The following MEGF8 variants were observed in gnomAD, a reference collection of about 807,000 sequenced individuals.
The protein encoded by MEGF8 is multiple EGF like domains 8.
A neutral mutation model predicts 302.9 loss-of-function variants in MEGF8; 156 were observed. The ratio of observed to expected loss-of-function variants is 0.52; its 90% CI spans 0.45 to 0.59. The LOEUF is 0.59. MEGF8 is among the 20% of genes least tolerant of loss of function. The pLI is 0.00. For missense variants in MEGF8, 3,345 were observed against 3,964.5 expected (o/e 0.84, Z 4.20); for synonymous variants, 1,621 against 1,660.5 (o/e 0.98, Z 0.58).
At position 42,375,492 on chromosome 19, in the gene MEGF8, T is replaced by C. The variant is rs375013795; in HGVS notation, c.7270-15T>C. Reference sequence around the variant, plus strand: ...ACTCAGCCCTGATGGTCACCGCCTCTAACCCTGCCCGCAGTGCGCCAAGTG... The same window carrying C: ...ACTCAGCCCTGATGGTCACCGCCTCCAACCCTGCCCGCAGTGCGCCAAGTG... On this transcript the variant is annotated splice_polypyrimidine_tract_variant and intron_variant, in intron 41 of 41. Coordinates refer to ENST00000251268, the MANE Select transcript of MEGF8 (RefSeq NM_001271938.2). This position sits in a 1 kb window ranked among gnomAD's most constrained non-coding sequence, Gnocchi z 7.1. 19 of 1,561,238 alleles carry C rather than the reference T, an allele frequency of 1.2e-5. No homozygotes were observed. The African/African-American group carries it at 2.6e-4, about 21-fold the overall frequency.
intron 41 of MEGF8, among the ~76,000 whole-genome samples, chr19:42,374,635 T>C (rs2039740695): frequency 6.6e-6 from 1 of 152,156 alleles, no homozygotes; most frequent in Admixed American, 6.6e-5. Flanking sequence ...CACACAGTCA[T>C]TGAGCACCTA....
intron 35 of MEGF8, among the ~76,000 whole-genome samples, chr19:42,366,067 G>C (rs575411046): frequency 6.6e-6 from 1 of 152,228 alleles, no homozygotes; most frequent in East Asian, 1.9e-4. Flanking sequence ...GGGTGACAGA[G>C]TGAGACTCCG....
Position 42,357,162 on chromosome 19 carries a change from C to T in MEGF8, c.4830+181C>T, listed in dbSNP as rs1485769437. ...TCCTGGGCTGGGACACAGCTTCACT[C>T]AGCAGCAGAGAGAGGCCAGGGGAGC... On this transcript the variant is annotated intron_variant, in intron 27 of 41. Transcript: ENST00000251268. The surrounding 1 kb of genome is among the most constrained non-coding windows in gnomAD (Gnocchi z 5.2). Among the ~76,000 whole-genome samples, 2 of 152,232 alleles carry T rather than the reference C, an allele frequency of 1.3e-5. No individual in the cohort carries two copies. The highest frequency in any genetic ancestry group is 6.5e-5 in the Admixed American group (1 of 15,286).
chr19:42,340,760 C>T (rs568825074), intron 8 of MEGF8, among the ~76,000 whole-genome samples: 2 of 151,966 alleles, frequency 1.3e-5, no homozygotes, highest in Non-Finnish European at 2.9e-5. Context: ...CTCCACCTCC[C>T]GTGTTCAAGC....
intron 12 of MEGF8, among the ~76,000 whole-genome samples, chr19:42,347,494 T>G (rs1295793343): frequency 6.6e-6 from 1 of 151,876 alleles, no homozygotes; most frequent in East Asian, 1.9e-4. Context: ...TTTTTTGTAT[T>G]TTTTTTGTTT....
chr19:42,356,524 C>A lies in MEGF8; in HGVS notation c.4622+71C>A. 8.2e-7 allele frequency: 1 copy of A among 1,226,154 alleles called. No individual in the cohort carries two copies. 76.0% of individuals were successfully genotyped at this position (1,226,154 alleles called of 1,614,324 possible). ...CACCTCGGGATGCTAAGAGTCACCT[C>A]AGAGGAGTGCAGAAAAGCCTCTAAG... On this transcript the variant is annotated intron_variant, in intron 26 of 41. Transcript: ENST00000251268. The surrounding 1 kb of genome is among the most constrained non-coding windows in gnomAD (Gnocchi z 5.2).
rs746293001 is a variant in MEGF8 at position 42,336,492 on chromosome 19, G to A, written c.1244+146G>A. 100 of 910,632 alleles carry A rather than the reference G, an allele frequency of 1.1e-4. No individual in the cohort carries two copies. The highest frequency in any genetic ancestry group is 8.7e-4 in the Admixed American group (29 of 33,370). 56.4% of individuals were successfully genotyped at this position (910,632 alleles called of 1,614,324 possible). On this transcript the variant is annotated intron_variant, in intron 6 of 41. Transcript: ENST00000251268. This position sits in a 1 kb window ranked among gnomAD's most constrained non-coding sequence, Gnocchi z 4.8. ...CCTTCATGTATTTACTTATTCCTTC[G>A]TTCACTCATTCATTCATTCACCCAC...
chr19:42,356,618 A>G lies in MEGF8; in HGVS notation c.4623-156A>G, dbSNP rs768976682. On this transcript the variant is annotated intron_variant, in intron 26 of 41. Transcript: ENST00000251268. This position sits in a 1 kb window ranked among gnomAD's most constrained non-coding sequence, Gnocchi z 5.2. ...GCTCACCCGGGGACACTTGGGGACCAGGGTACTTATTTGGGTGGTGCTACT... is the reference window on the plus strand; with the variant it reads ...GCTCACCCGGGGACACTTGGGGACCGGGGTACTTATTTGGGTGGTGCTACT... 6.6e-6 allele frequency among the ~76,000 whole-genome samples: 1 copy of G among 152,162 alleles called. No homozygotes were observed. Among genetic ancestry groups the G allele is most frequent in the Non-Finnish European group, 1.5e-5 (1 of 68,008 alleles).
chr19:42,341,882 T>C (rs1459429332), intron 8 of MEGF8, among the ~76,000 whole-genome samples: 3 of 152,210 alleles, frequency 2.0e-5, no homozygotes, highest in African/African-American at 7.2e-5. Flanking sequence ...AGGCCCTCTC[T>C]TCAGAAGATG....
chr19:42,362,428 T>C lies in MEGF8; in HGVS notation c.5889T>C (p.Gly1963=), dbSNP rs754280637. 1.5e-5 allele frequency: 25 copies of C among 1,613,822 alleles called. No individual in the cohort carries two copies. Among genetic ancestry groups the C allele is most frequent in the Non-Finnish European group, 2.1e-5 (25 of 1,179,872 alleles). ...RCKWCTNCPE[G]ACIGRNGSCT... ...AGTGGTGTACCAACTGCCCCGAAGGTGCTTGCATTGGACGCAATGGGTCCT... is the reference window on the plus strand; with the variant it reads ...AGTGGTGTACCAACTGCCCCGAAGGCGCTTGCATTGGACGCAATGGGTCCT... The change falls in exon 34 of 42, where the codon GGT becomes GGC. Residue 1963 remains glycine, a synonymous_variant. Transcript: ENST00000251268.
Position 42,376,285 on chromosome 19 carries a change from G to A in MEGF8, c.8048G>A (p.Arg2683His), listed in dbSNP as rs950869878. The A allele has an allele frequency of 8.7e-6, 14 of 1,611,838 alleles. No homozygotes were observed. Among genetic ancestry groups the A allele is most frequent in the African/African-American group, 2.7e-5 (2 of 74,904 alleles). Residue 2683 changes from arginine to histidine, a missense_variant, in exon 42 of 42, where the codon CGC becomes CAC. Transcript: ENST00000251268. This position sits in a 1 kb window ranked among gnomAD's most constrained non-coding sequence, Gnocchi z 8.2. ...GCTCTGGACCAGCGGCAGGAGCAGC[G>A]CCGGCACTTGCAGGAGATGACCAAG... ...KQALDQRQEQRRHLQEMTKMA... is the reference protein window; with the variant it reads ...KQALDQRQEQHRHLQEMTKMA...
chr19:42,359,187 C>A lies in MEGF8; in HGVS notation c.5433C>A (p.Ser1811Arg). 6.2e-7 allele frequency: 1 copy of A among 1,604,560 alleles called. No homozygotes were observed. Among genetic ancestry groups the A allele is most frequent in the South Asian group, 1.1e-5 (1 of 89,880 alleles). Residue 1811 changes from serine (S) to arginine (R), a missense_variant, in exon 31 of 42, where the codon AGC (serine) becomes AGA (arginine). Coordinates refer to ENST00000251268, the MANE Select transcript of MEGF8 (RefSeq NM_001271938.2). ...GCTCGGACCCTGACGAGTTCAGCAG[C>A]GACGTTCTGCTCTACCAGGTCAACT... ...GGRSDPDEFS[S>R]DVLLYQVNCN...
intron 35 of MEGF8, among the ~76,000 whole-genome samples, chr19:42,367,291 T>C (rs2039619760): frequency 7.3e-6 from 1 of 137,570 alleles, no homozygotes. Flanking sequence ...TCTTTCTTTC[T>C]TTTTTTTTTT....
At chr19:42,348,178 G>A in intron 12 of MEGF8, 94 bp from the exon 13 acceptor site, 1 of 1,165,722 alleles carries the variant, frequency 8.6e-7, no homozygotes, top group Non-Finnish European at 1.2e-6. Context: ...GGTAAAATGG[G>A]GAAGAAGGTT....
At chr19:42,330,145 G>A (rs1311278446) in intron 1 of MEGF8, among the ~76,000 whole-genome samples, 10 of 152,138 alleles carry the variant, frequency 6.6e-5, no homozygotes, top group Admixed American at 6.5e-4. Flanking sequence ...GTTTCTCTAT[G>A]TTGGCCAGGC....
In MEGF8 at chr19:42,363,394, C is replaced by T. The variant is rs537583944; in HGVS notation, c.6273+132C>T. 1.3e-3 allele frequency: 995 copies of T among 794,264 alleles called. 2 individuals carry two copies. The highest frequency in any genetic ancestry group is 0.011 in the African/African-American group (668 of 58,656). The allele number at this position is 794,264 out of a possible 1,614,324, so 49.2% of individuals were successfully genotyped here. ...CCATCTCCCTGGCTCTAGCTGCAGT[C>T]GTGCTTCCTTCTCGTGCCACCATCT... On this transcript the variant is annotated intron_variant, in intron 35 of 41. Transcript: ENST00000251268.
Position 42,376,870 on chromosome 19 carries a change from A to T in MEGF8, c.*95A>T, listed in dbSNP as rs1034592622. On this transcript the variant is annotated 3_prime_UTR_variant, in exon 42 of 42. Transcript: ENST00000251268. The surrounding 1 kb of genome is among the most constrained non-coding windows in gnomAD (Gnocchi z 8.2). ...ACCTGGGGGCCCCTGGACACTGTCT[A>T]CTTGGAGACCACTGGCCCCCTTCCC... 2 of 1,328,150 alleles carry T rather than the reference A, an allele frequency of 1.5e-6. No homozygotes were observed. Among genetic ancestry groups the T allele is most frequent in the Non-Finnish European group, 2.0e-6 (2 of 1,023,188 alleles). 82.3% of individuals were successfully genotyped at this position (1,328,150 alleles called of 1,614,324 possible).
rs186200926 is a variant in MEGF8 at position 42,375,109 on chromosome 19, A to G, written c.7270-398A>G. 6.6e-6 allele frequency among the ~76,000 whole-genome samples: 1 copy of G among 152,066 alleles called. No homozygotes were observed. The highest frequency in any genetic ancestry group is 1.5e-5 in the Non-Finnish European group (1 of 67,966). The stretch of plus-strand genomic sequence containing the variant: ...GTGGTCCTGTGAGCGAGCCGTGGTT[A>G]CTCCCTGTGTGCAGAGCTCATGGGT... On this transcript the variant is annotated intron_variant, in intron 41 of 41. Transcript: ENST00000251268. This position sits in a 1 kb window ranked among gnomAD's most constrained non-coding sequence, Gnocchi z 7.1.
intron 1 of MEGF8, among the ~76,000 whole-genome samples, chr19:42,331,938 A>G (rs966310255): frequency 2.0e-5 from 3 of 150,710 alleles, no homozygotes; most frequent in Non-Finnish European, 2.9e-5. Flanking sequence ...GGCTCACTGC[A>G]ACCTCTGCCT....
Sources: allele counts gnomAD v4.1 joint callset (sites outside exome capture counted in the v4.1 genomes callset), GRCh38; gene constraint gnomAD v4.1.1; non-coding constraint Gnocchi (gnomAD v3.1); transcripts MANE v1.5; gene names NCBI Gene and HGNC (gene_info 2026-07-23, HGNC 2026-07-21).